GXYLT1: variants seen among roughly 807,000 people sequenced by gnomAD.
GXYLT1 encodes the protein glucoside xylosyltransferase 1.
In GXYLT1, 29 loss-of-function variants were observed where a neutral mutation model predicts 54.0. That is an observed-to-expected ratio of 0.54 (90% CI 0.40 to 0.73). The LOEUF is 0.73. Ranked by LOEUF, GXYLT1 falls within the 30% of genes least tolerant of loss-of-function variation. The pLI is 0.00. For synonymous variants in GXYLT1, 176 were observed against 204.1 expected, an observed-to-expected ratio of 0.86 and a Z score of 1.17; for missense variants, 490 against 553.4, an observed-to-expected ratio of 0.89 and a Z score of 1.15.
chr12:42,099,264 G>A (rs893968355), intron 5 of GXYLT1, among the ~76,000 whole-genome samples: 3 of 152,152 alleles, frequency 2.0e-5, no homozygotes, highest in African/African-American at 4.8e-5. Flanking sequence ...TTTTCAGGAG[G>A]AGACCATACT....
At chr12:42,116,078 C>A (rs371764543) in intron 3 of GXYLT1, among the ~76,000 whole-genome samples, 28 of 151,784 alleles carry the variant, frequency 1.8e-4, no homozygotes, top group African/African-American at 4.8e-4. Context: ...GCTAGCCATA[C>A]GTAGAAAGCT....
intron 1 of GXYLT1, among the ~76,000 whole-genome samples, chr12:42,140,469 A>G (rs1367491635): frequency 6.6e-6 from 1 of 152,208 alleles, no homozygotes; most frequent in Admixed American, 6.5e-5. Flanking sequence ...GTCAGGCACC[A>G]TACTAGGTAC....
chr12:42,121,972 A>G (rs2065534125), intron 2 of GXYLT1, among the ~76,000 whole-genome samples: 1 of 152,318 alleles, frequency 6.6e-6, no homozygotes, highest in South Asian at 2.1e-4. Context: ...ATATGATAGG[A>G]AGTGATAACT....
At chr12:42,137,569 G>A (rs557643385) in intron 1 of GXYLT1, among the ~76,000 whole-genome samples, 2 of 144,426 alleles carry the variant, frequency 1.4e-5, no homozygotes, top group East Asian at 4.1e-4. Flanking sequence ...TGGCTAACAC[G>A]GTGCGGTGAA....
chr12:42,125,971 G>A (rs910930180), intron 2 of GXYLT1, among the ~76,000 whole-genome samples: 1 of 152,088 alleles, frequency 6.6e-6, no homozygotes, highest in Non-Finnish European at 1.5e-5. Flanking sequence ...AGGCAGCAGT[G>A]AGCCCTGGTG....
chr12:42,093,060 A>G (rs931851487), intron 7 of GXYLT1, among the ~76,000 whole-genome samples: 1 of 152,198 alleles, frequency 6.6e-6, no homozygotes, highest in Non-Finnish European at 1.5e-5. Flanking sequence ...TCAAAACGTT[A>G]GCAGTCCCTA....
intron 1 of GXYLT1, among the ~76,000 whole-genome samples, chr12:42,133,694 T>A (rs2065604782): frequency 6.6e-6 from 1 of 152,180 alleles, no homozygotes; most frequent in South Asian, 2.1e-4. Flanking sequence ...ATTCATTTGG[T>A]AAATCAATAA....
intron 7 of GXYLT1, among the ~76,000 whole-genome samples, chr12:42,090,369 C>A (rs2065322783): frequency 6.6e-6 from 1 of 152,212 alleles, no homozygotes; most frequent in African/African-American, 2.4e-5. Flanking sequence ...CGTGCCCTTA[C>A]CTGACTCCAG....
At chr12:42,089,290 G>T (rs1327454439) in intron 7 of GXYLT1, among the ~76,000 whole-genome samples, 2 of 135,638 alleles carry the variant, frequency 1.5e-5, no homozygotes, top group Admixed American at 1.8e-4. Context: ...TGAACAATGA[G>T]AACACATGGA....
rs1432550499 is a variant in GXYLT1 at position 42,082,368 on chromosome 12, A to G, written c.*5418T>C. ...AAGTTTTGAACAGATAACATATTCT[A>G]CAGCAATGCTCAAGCCCTGGATTAT... On this transcript the variant is annotated 3_prime_UTR_variant, in exon 8 of 8. Coordinates refer to ENST00000398675, the MANE Select transcript of GXYLT1 (RefSeq NM_173601.2). 6.6e-6 allele frequency: 1 copy of G among 152,228 alleles called. No homozygotes were observed. Among genetic ancestry groups the G allele is most frequent in the Non-Finnish European group, 1.5e-5 (1 of 68,050 alleles). The allele number at this position is 152,228 out of a possible 1,614,324, so 9.4% of individuals were successfully genotyped here.
At chr12:42,129,872 TA>T in intron 1 of GXYLT1, 21 bp from the exon 2 acceptor site, 1 of 1,502,712 alleles carries the variant, frequency 6.7e-7, no homozygotes, top group Non-Finnish European at 9.3e-7. Flanking sequence ...AAGACAGAAA[TA>T]AGAGTCCTGT....
chr12:42,141,697 A>T (rs1036070969), intron 1 of GXYLT1, among the ~76,000 whole-genome samples: 1 of 152,204 alleles, frequency 6.6e-6, no homozygotes, highest in Admixed American at 6.5e-5. Context: ...AAAAAAATTT[A>T]AGTATTATCT....
At chr12:42,098,953 C>T (rs2065374188) in intron 5 of GXYLT1, among the ~76,000 whole-genome samples, 1 of 151,750 alleles carries the variant, frequency 6.6e-6, no homozygotes, top group South Asian at 2.1e-4. Context: ...CCATGAATGA[C>T]ATATAAAGTC....
intron 2 of GXYLT1, among the ~76,000 whole-genome samples, chr12:42,128,842 TA>T (rs567869941): frequency 6.7e-6 from 1 of 149,870 alleles, no homozygotes; most frequent in Non-Finnish European, 1.5e-5. Context: ...CTGGGTAATT[TA>T]AAAAAAAAAT....
chr12:42,101,270 A>G (rs1210736763), intron 5 of GXYLT1, among the ~76,000 whole-genome samples: 2 of 152,226 alleles, frequency 1.3e-5, no homozygotes, highest in African/African-American at 2.4e-5. Context: ...AGCCATTCAC[A>G]AAAGAAGAAA....
chr12:42,099,312 C>CAGT (rs1483520746), intron 5 of GXYLT1, among the ~76,000 whole-genome samples: 33 of 152,318 alleles, frequency 2.2e-4, no homozygotes, highest in East Asian at 1.4e-3. Flanking sequence ...TCAGCCAGCA[C>CAGT]AGTAAATGGT....
At chr12:42,103,238 C>A (rs367555088) in intron 5 of GXYLT1, among the ~76,000 whole-genome samples, 1 of 152,168 alleles carries the variant, frequency 6.6e-6, no homozygotes, top group Non-Finnish European at 1.5e-5. Flanking sequence ...GAATTACAGG[C>A]GTGAGCCACC....
chr12:42,121,902 C>T (rs994834186), intron 2 of GXYLT1, among the ~76,000 whole-genome samples: 8 of 152,070 alleles, frequency 5.3e-5, no homozygotes, highest in African/African-American at 1.9e-4. Context: ...CCACCCTACC[C>T]CTAGACCCAA....
Position 42,109,588 on chromosome 12 carries a change from G to A in GXYLT1, c.590C>T (p.Ala197Val). 6.3e-7 allele frequency: 1 copy of A among 1,574,916 alleles called. No individual in the cohort carries two copies. Among genetic ancestry groups the A allele is most frequent in the African/African-American group, 1.4e-5 (1 of 72,084 alleles). ...TACCGGCAAGAACAATCTCTGCGAA[G>A]CACATGGTTTAAAGAGTTTTTTCCA... ...AEWKKLFKPC[A>V]SQRLFLPLIL... Residue 197 changes from alanine to valine, a missense_variant, in exon 4 of 8, where the codon GCT becomes GTT. Coordinates refer to ENST00000398675, the MANE Select transcript of GXYLT1 (RefSeq NM_173601.2).
Sources: allele counts gnomAD v4.1 joint callset (sites outside exome capture counted in the v4.1 genomes callset), GRCh38; gene constraint gnomAD v4.1.1; transcripts MANE v1.5; gene names NCBI Gene and HGNC (gene_info 2026-07-23, HGNC 2026-07-21).